NOX3: variants seen among roughly 807,000 people sequenced by gnomAD.
NOX3 encodes the protein NADPH oxidase 3.
In NOX3, 74 loss-of-function variants were observed where a neutral mutation model predicts 76.7. That is an observed-to-expected ratio of 0.96 (90% CI 0.80 to 1.17). NOX3 has a LOEUF of 1.17. Among genes scored for constraint, NOX3 ranks in the 50% most tolerant of loss-of-function variants. NOX3 has a pLI of 0.00. For synonymous variants in NOX3, 263 were observed against 261.1 expected, an observed-to-expected ratio of 1.01 and a Z score of -0.07; for missense variants, 695 against 703.3, an observed-to-expected ratio of 0.99 and a Z score of 0.13.
chr6:155,453,206 G>A (rs1777169602), intron 4 of NOX3, among the ~76,000 whole-genome samples, 198 bp downstream of exon 4: 1 of 152,020 alleles, frequency 6.6e-6, no homozygotes, highest in African/African-American at 2.4e-5. Context: ...ACCAATTGAG[G>A]TCTTGGTAGG....
rs554279228 is a variant in NOX3 at position 155,422,759 on chromosome 6, C to A, written c.1243G>T (p.Ala415Ser). 1 of 1,614,138 alleles carries A rather than the reference C, an allele frequency of 6.2e-7. No individual in the cohort carries two copies. Among genetic ancestry groups the A allele is most frequent in the Non-Finnish European group, 8.5e-7 (1 of 1,180,004 alleles). ...VAAGIGVTPF[A>S]ALLKSIWYKC... is the part of the protein sequence containing the mutation. ...TACCATATAGATTTCAGAAGAGCAG[C>A]GAAGGGAGTGACTCCGATCCCCGCG... Residue 415 changes from alanine (A) to serine (S), a missense_variant, in exon 10 of 14, where the codon GCT (alanine) becomes TCT (serine). Coordinates refer to ENST00000159060, the MANE Select transcript of NOX3 (RefSeq NM_015718.3).
In NOX3 at chr6:155,453,486, G is replaced by A. The variant is rs765853195; in HGVS notation, c.258C>T (p.Cys86=). The A allele has an allele frequency of 6.2e-7, 1 of 1,611,674 alleles. No homozygotes were observed. The highest frequency in any genetic ancestry group is 1.7e-5 in the Admixed American group (1 of 59,940). Residue 86 remains cysteine (C), a splice_region_variant and synonymous_variant, in exon 4 of 14, where the codon TGC becomes TGT. Coordinates refer to ENST00000159060, the MANE Select transcript of NOX3 (RefSeq NM_015718.3). ...LISFIRGTSI[C]CRGPWRRQLD... is the part of the protein sequence containing the mutation. Reference sequence around the variant, plus strand: ...ATTGCCTCCTCCACGGTCCTCTGCAGCACTAGAGTAACAAAAAAATATGCC... The same window carrying A: ...ATTGCCTCCTCCACGGTCCTCTGCAACACTAGAGTAACAAAAAAATATGCC...
In NOX3 at chr6:155,396,801, C is replaced by T. The variant is rs190897642; in HGVS notation, c.*27+8G>A. ...CAATCCCTGACCTGTATGATTGCAG[C>T]CACTTACACAATGCCTGGACTTGAC... On this transcript the variant is annotated splice_region_variant and intron_variant, in intron 13 of 13. Transcript: ENST00000159060. The T allele has an allele frequency of 6.7e-4, 1,064 of 1,585,304 alleles. 1 individual carries two copies. The highest frequency in any genetic ancestry group is 8.6e-4 in the Non-Finnish European group (999 of 1,165,352).
chr6:155,429,086 A>G, intron 8 of NOX3, 39 bp from the exon 9 acceptor site: 1 of 1,460,044 alleles, frequency 6.8e-7, no homozygotes, highest in Non-Finnish European at 9.1e-7. Context: ...TTTGTCCTCG[A>G]AATAATAAAG....
At position 155,447,663 on chromosome 6, in the gene NOX3, A is replaced by C. The variant is rs144213936; in HGVS notation, c.341-4245T>G. On this transcript the variant is annotated intron_variant, in intron 4 of 13. Transcript: ENST00000159060. ...ATGTTCCCTTGCTCTCGCTACCTCC[A>C]TTTTGTTTTCTTTCACAAGGTAGAA... Among the ~76,000 whole-genome samples, 181 of 152,290 alleles carry C rather than the reference A, an allele frequency of 1.2e-3. 1 individual carries two copies. The highest frequency in any genetic ancestry group is 3.4e-3 in the Middle Eastern group (1 of 294).
At chr6:155,411,170 G>A in intron 11 of NOX3, 44 bp downstream of exon 11, 3 of 1,562,080 alleles carry the variant, frequency 1.9e-6, no homozygotes, top group Non-Finnish European at 2.6e-6. Context: ...ATTGCTATTA[G>A]ATGAGTTCAG....
chr6:155,447,193 C>T (rs537440580), intron 4 of NOX3, among the ~76,000 whole-genome samples: 7 of 152,056 alleles, frequency 4.6e-5, no homozygotes, highest in African/African-American at 1.2e-4. Flanking sequence ...TACAGGCACA[C>T]GCCACCATGC....
chr6:155,420,421 A>G (rs1230262241), intron 10 of NOX3, among the ~76,000 whole-genome samples: 1 of 152,222 alleles, frequency 6.6e-6, no homozygotes, highest in Non-Finnish European at 1.5e-5. Flanking sequence ...GTGGCTGAAA[A>G]ATCATCACGA....
chr6:155,412,689 A>C (rs1281537733), intron 10 of NOX3, among the ~76,000 whole-genome samples: 1 of 152,170 alleles, frequency 6.6e-6, no homozygotes, highest in Non-Finnish European at 1.5e-5. Context: ...CTCTCCAGGC[A>C]GAGCTAAGCC....
chr6:155,414,623 CTTTTTT>C (rs72348061), intron 10 of NOX3, among the ~76,000 whole-genome samples: 3 of 113,762 alleles, frequency 2.6e-5, no homozygotes, highest in Admixed American at 9.4e-5. Flanking sequence ...TCTTTTCTTT[CTTTTTT>C]TTTTTTTTTT....
At chr6:155,447,105 G>A (rs1432297038) in intron 4 of NOX3, among the ~76,000 whole-genome samples, 1 of 151,328 alleles carries the variant, frequency 6.6e-6, no homozygotes, top group East Asian at 1.9e-4. Context: ...GAGTGCAATG[G>A]CGCGATCTCA....
chr6:155,447,692 A>G (rs1777081605), intron 4 of NOX3, among the ~76,000 whole-genome samples: 1 of 152,226 alleles, frequency 6.6e-6, no homozygotes, highest in Admixed American at 6.5e-5. Context: ...GGTAGAACAT[A>G]CAAAGTGGAA....
At chr6:155,424,238 G>A (rs1435544097) in intron 9 of NOX3, among the ~76,000 whole-genome samples, 1 of 152,098 alleles carries the variant, frequency 6.6e-6, no homozygotes, top group Admixed American at 6.5e-5. Flanking sequence ...ATTTATTGGT[G>A]TGTATGCGTG....
intron 6 of NOX3, 75 bp downstream of exon 6, chr6:155,439,881 T>C: frequency 1.4e-6 from 2 of 1,402,340 alleles, no homozygotes; most frequent in Non-Finnish European, 1.9e-6. Context: ...GGCTCCTTCA[T>C]CTAAAGGACT....
intron 12 of NOX3, among the ~76,000 whole-genome samples, chr6:155,404,051 C>A (rs163006): frequency 4.6e-5 from 7 of 151,276 alleles, no homozygotes; most frequent in Admixed American, 1.3e-4. Flanking sequence ...CAAAAGCCTG[C>A]GAAGTGAGAA....
intron 6 of NOX3, 37 bp downstream of exon 6, chr6:155,439,919 G>A (rs1161099091): frequency 1.1e-5 from 18 of 1,571,618 alleles, no homozygotes; most frequent in Non-Finnish European, 1.6e-5. Context: ...GACTCTCAGA[G>A]ATAAAATCCT....
At position 155,455,127 on chromosome 6, in the gene NOX3, G is replaced by A. The variant is rs1360381364; in HGVS notation, c.51C>T (p.Leu17=). 2.5e-6 allele frequency: 4 copies of A among 1,602,744 alleles called. No individual in the cohort carries two copies. Among genetic ancestry groups the A allele is most frequent in the Non-Finnish European group, 3.4e-6 (4 of 1,170,962 alleles). ...LNEGLSTILV[L]SWLGINFYLF... Reference sequence around the variant, plus strand: ...GATAAAAATTTATTCCCAGCCATGAGAGCTAGAGTAGAAAGGAAAGAGAAC... The same window carrying A: ...GATAAAAATTTATTCCCAGCCATGAAAGCTAGAGTAGAAAGGAAAGAGAAC... The change falls in exon 2 of 14, where the codon CTC becomes CTT. Residue 17 remains leucine (L), a splice_region_variant and synonymous_variant. Transcript: ENST00000159060.
chr6:155,440,112 G>T lies in NOX3; in HGVS notation c.512C>A (p.Thr171Lys), dbSNP rs3749930. The T allele has an allele frequency of 0.079, 126,685 of 1,602,040 alleles. 11,479 individuals are homozygous for T. The highest frequency in any genetic ancestry group is 0.51 in the East Asian group (22,768 of 44,508). ...PTNTTTELLR[T>K]IAGVTGLVIS... is the part of the protein sequence containing the mutation. ...CACCAGACCGGTGACGCCTGCTATT[G>T]TCCTTAGCAATTCAGTGGTTGTGTT... Residue 171 changes from threonine (T) to lysine (K), a missense_variant, in exon 6 of 14, where the codon ACA (threonine) becomes AAA (lysine). Physicochemically the swap from Thr to Lys is moderately conservative, Grantham distance 78 (BLOSUM62 -1). Transcript: ENST00000159060.
intron 4 of NOX3, among the ~76,000 whole-genome samples, chr6:155,453,030 C>T (rs1777167450): frequency 6.6e-6 from 1 of 152,118 alleles, no homozygotes; most frequent in Non-Finnish European, 1.5e-5. Flanking sequence ...TACTATTTGA[C>T]AGTCATTTTC....
Sources: allele counts gnomAD v4.1 joint callset (sites outside exome capture counted in the v4.1 genomes callset), GRCh38; gene constraint gnomAD v4.1.1; transcripts MANE v1.5; gene names NCBI Gene and HGNC (gene_info 2026-07-23, HGNC 2026-07-21).